LOXHD1: variants seen among roughly 807,000 people sequenced by gnomAD.
LOXHD1 encodes the protein lipoxygenase homology PLAT domains 1, also known as lipoxygenase homology domain-containing protein 1.
In LOXHD1, 205 loss-of-function variants were observed where a neutral mutation model predicts 248.2. That is an observed-to-expected ratio of 0.83 (90% confidence interval 0.74 to 0.93). The LOEUF is 0.93. Ranked by LOEUF, LOXHD1 falls within the 40% of genes least tolerant of loss-of-function variation. The probability of loss-of-function intolerance (pLI) is 0.00; values close to 1 mark genes in which losing one functional copy is unlikely to be tolerated. For missense variants in LOXHD1, 2,930 were observed against 2,971.6 expected, an observed-to-expected ratio of 0.99 and a Z score of 0.33; for synonymous variants, 1,113 against 1,162.8, an observed-to-expected ratio of 0.96 and a Z score of 0.87.
At chr18:46,477,210 C>G, downstream of LOXHD1, 1 of 724,940 alleles carries the variant, frequency 1.4e-6, no homozygotes, top group Non-Finnish European at 2.6e-6. Flanking sequence ...CAAGTCCCAG[C>G]CTGGTCACTA....
intron 4 of LOXHD1, among the ~76,000 whole-genome samples, chr18:46,633,095 A>C (rs889848298): frequency 3.9e-5 from 6 of 152,260 alleles, no homozygotes; most frequent in African/African-American, 1.2e-4. Context: ...GCCTATGGTC[A>C]CTGTTAAAAT....
chr18:46,634,673 T>C (rs1399027549), intron 4 of LOXHD1, among the ~76,000 whole-genome samples: 2 of 152,002 alleles, frequency 1.3e-5, no homozygotes, highest in Non-Finnish European at 2.9e-5. Context: ...AAATCCCAAA[T>C]CCAAAACACT....
intron 8 of LOXHD1, among the ~76,000 whole-genome samples, chr18:46,595,407 C>A (rs776393020): frequency 6.6e-6 from 1 of 152,156 alleles, no homozygotes; most frequent in Non-Finnish European, 1.5e-5. Context: ...CAGGCAGTAG[C>A]CCCCTCAAAC....
chr18:46,599,773 A>G (rs1319987459), intron 8 of LOXHD1, among the ~76,000 whole-genome samples: 5 of 152,210 alleles, frequency 3.3e-5, no homozygotes, highest in African/African-American at 9.6e-5. Flanking sequence ...CAGACATTTT[A>G]CATAAAAAGA....
chr18:46,589,919 A>T (rs1345003893), intron 12 of LOXHD1, among the ~76,000 whole-genome samples: 3 of 152,340 alleles, frequency 2.0e-5, no homozygotes, highest in Admixed American at 1.3e-4. Flanking sequence ...GGAAGTAAAG[A>T]ACATTCTGGA....
intron 35 of LOXHD1, among the ~76,000 whole-genome samples, chr18:46,508,457 G>T (rs1358573061): frequency 2.0e-5 from 3 of 152,162 alleles, no homozygotes; most frequent in Non-Finnish European, 4.4e-5. Context: ...CCGAGCCAGG[G>T]AACTGCCAGA....
At chr18:46,529,400 G>T (rs2035966083) in intron 28 of LOXHD1, 69 bp from the exon 29 acceptor site, 6 of 1,470,586 alleles carry the variant, frequency 4.1e-6, no homozygotes. Flanking sequence ...AGGTCTTGAG[G>T]AACTGGATTT....
chr18:46,566,413 T>C lies in LOXHD1; in HGVS notation c.2281A>G (p.Met761Val). Residue 761 changes from methionine (M) to valine (V), a missense_variant, in exon 17 of 41, where the codon ATG becomes GTG. Coordinates refer to ENST00000642948, the MANE Select transcript of LOXHD1 (RefSeq NM_001384474.1). ...CTGCCCAGGAACCAGCTGGCATGCA[T>C]GCCAGTGCTGTCATGCCCAATCACC... ...RLVIGHDSTG[M>V]HASWFLGSVQ... The C allele has an allele frequency of 6.4e-7, 1 of 1,551,118 alleles. No homozygotes were observed. The highest frequency in any genetic ancestry group is 8.7e-7 in the Non-Finnish European group (1 of 1,147,002).
chr18:46,509,830 G>T lies in LOXHD1; in HGVS notation c.5400-15C>A. ...CCCGCTCAAACCTGGGGGTGGAGAG[G>T]AGGGGCATGAAGAAGGGAAGCTGGC... On this transcript the variant is annotated splice_polypyrimidine_tract_variant and intron_variant, in intron 34 of 40. Coordinates refer to ENST00000642948, the MANE Select transcript of LOXHD1 (RefSeq NM_001384474.1). 2.7e-6 allele frequency: 4 copies of T among 1,496,848 alleles called. No individual in the cohort carries two copies. The highest frequency in any genetic ancestry group is 3.6e-6 in the Non-Finnish European group (4 of 1,104,520). The allele number at this position is 1,496,848 out of a possible 1,614,324, so 92.7% of individuals were successfully genotyped here. A position where few individuals can be genotyped will look rare whatever the true frequency, so the allele number is the denominator to read the frequency against.
chr18:46,557,581 C>G (rs2037395526), intron 20 of LOXHD1, 92 bp from the exon 21 acceptor site: 1 of 1,477,918 alleles, frequency 6.8e-7, no homozygotes, highest in Non-Finnish European at 9.2e-7. Flanking sequence ...GGGCAGCCAG[C>G]CAGAGGCCAA....
rs1299913386 is a variant in LOXHD1 at position 46,477,601 on chromosome 18, G to A, written c.6693C>T (p.Gly2231=). 1.3e-6 allele frequency: 2 copies of A among 1,551,724 alleles called. No individual in the cohort carries two copies. Among genetic ancestry groups the A allele is most frequent in the Non-Finnish European group, 8.7e-7 (1 of 1,147,012 alleles). The change falls in exon 41 of 41, where the codon GGC becomes GGT. Residue 2231 remains glycine, a synonymous_variant. Coordinates refer to ENST00000642948, the MANE Select transcript of LOXHD1 (RefSeq NM_001384474.1). ...TGACCTCCACCTTCTCCACCAGCCA[G>A]CCTGAGCAGTAGCCACTGCTGTCGT... The part of the protein sequence containing the change: ...LEHDSSGYCS[G]WLVEKVEVTN...
intron 1 of LOXHD1, among the ~76,000 whole-genome samples, chr18:46,653,688 C>A (rs1451941196): frequency 6.6e-6 from 1 of 152,144 alleles, no homozygotes; most frequent in Non-Finnish European, 1.5e-5. Flanking sequence ...ATGAAACAAT[C>A]AATGAATAAA....
chr18:46,569,624 T>C lies in LOXHD1; in HGVS notation c.2062A>G (p.Ile688Val). The change falls in exon 16 of 41, where the codon ATC (isoleucine) becomes GTC (valine). Residue 688 changes from isoleucine to valine, a missense_variant. By Grantham distance (29) the Ile-to-Val change is conservative. Coordinates refer to ENST00000642948, the MANE Select transcript of LOXHD1 (RefSeq NM_001384474.1). The stretch of plus-strand genomic sequence containing the variant: ...GAGACATCCCCAGTCTTCAAGCTGA[T>C]GTGATAGCGAAAGTCTGAACAGCCC... ...SATLKNFRYH[I>V]SLKTGDVSGA... 3 of 1,550,900 alleles carry C rather than the reference T, an allele frequency of 1.9e-6. No homozygotes were observed. Among genetic ancestry groups the C allele is most frequent in the South Asian group, 2.4e-5 (2 of 84,022 alleles).
At chr18:46,536,497 A>G (rs1377568382) in intron 26 of LOXHD1, among the ~76,000 whole-genome samples, 1 of 152,142 alleles carries the variant, frequency 6.6e-6, no homozygotes, top group Admixed American at 6.5e-5. Flanking sequence ...AAATCCAGAG[A>G]GATTTGAAAA....
At chr18:46,628,709 G>T (rs1441357311) in intron 4 of LOXHD1, among the ~76,000 whole-genome samples, 2 of 152,156 alleles carry the variant, frequency 1.3e-5, no homozygotes, top group African/African-American at 4.8e-5. Context: ...AGAAGAAAGG[G>T]AAACATCAGG....
intron 4 of LOXHD1, among the ~76,000 whole-genome samples, chr18:46,619,028 A>G (rs1003465494): frequency 1.3e-5 from 2 of 152,138 alleles, no homozygotes; most frequent in Admixed American, 1.3e-4. Context: ...TGACATGATG[A>G]GACCTGCCCA....
chr18:46,504,452 ACAGAG>A (rs2034435238), intron 37 of LOXHD1, among the ~76,000 whole-genome samples: 1 of 152,146 alleles, frequency 6.6e-6, no homozygotes, highest in Admixed American at 6.6e-5. Flanking sequence ...TTAATACCTA[ACAGAG>A]TCCCAGGCAT....
rs765238879 is a variant in LOXHD1, at chr18:46,601,304, G to C, written c.1047C>G (p.Ile349Met). The change falls in exon 8 of 41, where the codon ATC becomes ATG. Residue 349 changes from isoleucine to methionine, a missense_variant. Ile to Met is a conservative substitution (Grantham distance 10). Transcript: ENST00000642948. ...GGGGGCTAAGGAGGACAGCCAGCTC[G>C]ATGTGGAAGATGTCCGTGCGGCCTC... is the stretch of plus-strand genomic sequence containing the variant. Reference protein sequence around the residue: ...FDRGRTDIFHIELAVLLSPLS... With the variant: ...FDRGRTDIFHMELAVLLSPLS... 1.9e-6 allele frequency: 3 copies of C among 1,551,590 alleles called. No homozygotes were observed. The African/African-American group carries it at 4.1e-5, about 21-fold the overall frequency.
At chr18:46,489,622 CA>C (rs1444384028) in intron 37 of LOXHD1, among the ~76,000 whole-genome samples, 1 of 152,170 alleles carries the variant, frequency 6.6e-6, no homozygotes, top group African/African-American at 2.4e-5. Context: ...TCAGCTCCTC[CA>C]AGAAGCCTTC....
Sources: allele counts gnomAD v4.1 joint callset (sites outside exome capture counted in the v4.1 genomes callset), GRCh38; gene constraint gnomAD v4.1.1; transcripts MANE v1.5; gene names NCBI Gene and HGNC (gene_info 2026-07-23, HGNC 2026-07-21).